Variants in CD8B2 observed in about 807,000 individuals in gnomAD.
CD8B2 encodes the protein CD8B family member 2.
A neutral mutation model predicts 23.7 loss-of-function variants in CD8B2; 11 were observed. That is an observed-to-expected ratio of 0.46 (90% CI 0.29 to 0.77). CD8B2 has a LOEUF of 0.77. Ranked by LOEUF, CD8B2 falls within the 30% of genes least tolerant of loss-of-function variation. CD8B2 has a pLI of 0.09. For missense variants in CD8B2, 197 were observed against 270.5 expected (o/e 0.73, Z 1.91); for synonymous variants, 90 against 109.3 (o/e 0.82, Z 1.10).
chr2:106,530,362 C>T (rs547661084), intron 5 of CD8B2, among the ~76,000 whole-genome samples: 2 of 152,120 alleles, frequency 1.3e-5, no homozygotes, highest in African/African-American at 2.4e-5. Context: ...TTGTGAGAAG[C>T]GTGTGAACCA....
intron 5 of CD8B2, among the ~76,000 whole-genome samples, chr2:106,530,155 G>A (rs1356849832): frequency 1.3e-5 from 2 of 152,182 alleles, no homozygotes; most frequent in African/African-American, 4.8e-5. Flanking sequence ...TGTATAAAGT[G>A]CACATTTCAG....
chr2:106,531,706 C>T (rs954485757), intron 5 of CD8B2, among the ~76,000 whole-genome samples: 26 of 152,208 alleles, frequency 1.7e-4, no homozygotes, highest in African/African-American at 6.3e-4. Flanking sequence ...TCAGTGCGAT[C>T]CTGAAGCCTC....
At chr2:106,532,727 C>T (rs1055301822) in intron 5 of CD8B2, among the ~76,000 whole-genome samples, 2 of 152,296 alleles carry the variant, frequency 1.3e-5, no homozygotes, top group African/African-American at 4.8e-5. Context: ...TCATGGCACT[C>T]GTGGTAGTGT....
intron 5 of CD8B2, among the ~76,000 whole-genome samples, chr2:106,524,020 G>A (rs532520493): frequency 6.6e-6 from 1 of 152,252 alleles, no homozygotes; most frequent in Admixed American, 6.5e-5. Flanking sequence ...AGTTCTCTTA[G>A]ACAATTGGGC....
intron 5 of CD8B2, among the ~76,000 whole-genome samples, 174 bp downstream of exon 5, chr2:106,504,499 T>A (rs1470910247): frequency 2.6e-5 from 4 of 151,926 alleles, no homozygotes; most frequent in Admixed American, 2.6e-4. Flanking sequence ...AGCAGGAGGA[T>A]CACTTGAGCC....
chr2:106,520,760 C>T (rs957519513), intron 5 of CD8B2, among the ~76,000 whole-genome samples: 1 of 152,104 alleles, frequency 6.6e-6, no homozygotes, highest in African/African-American at 2.4e-5. Flanking sequence ...ATCCCAGCTA[C>T]TCGGGAGGCT....
intron 5 of CD8B2, among the ~76,000 whole-genome samples, chr2:106,523,835 A>T (rs1279741548): frequency 6.6e-6 from 1 of 152,174 alleles, no homozygotes; most frequent in Non-Finnish European, 1.5e-5. Context: ...AGGAAGGTGT[A>T]AGAAGGCAAT....
At chr2:106,534,547 G>A (rs887071349) in intron 5 of CD8B2, among the ~76,000 whole-genome samples, 1 of 152,128 alleles carries the variant, frequency 6.6e-6, no homozygotes, top group African/African-American at 2.4e-5. Context: ...CTCAGGAGAG[G>A]GACTTGATCT....
chr2:106,504,985 T>A (rs1165590446), intron 5 of CD8B2, among the ~76,000 whole-genome samples: 3 of 152,176 alleles, frequency 2.0e-5, no homozygotes, highest in Non-Finnish European at 4.4e-5. Flanking sequence ...CAGAGTCACA[T>A]AGCACTCTTG....
At chr2:106,517,374 C>G (rs911532492) in intron 5 of CD8B2, among the ~76,000 whole-genome samples, 2 of 152,090 alleles carry the variant, frequency 1.3e-5, no homozygotes, top group African/African-American at 4.8e-5. Flanking sequence ...TTTGATTTCT[C>G]GCTTCTTTCT....
chr2:106,518,112 C>G (rs1337174012), intron 5 of CD8B2, among the ~76,000 whole-genome samples: 1 of 152,228 alleles, frequency 6.6e-6, no homozygotes, highest in Non-Finnish European at 1.5e-5. Context: ...CCTGCTATTT[C>G]ATACCCAGCC....
In CD8B2 at chr2:106,504,326, G is replaced by A. The variant is rs1406773602; in HGVS notation, c.620+1G>A. On this transcript the variant is annotated splice_donor_variant, in intron 5 of 5. Transcript: ENST00000643224. LOFTEE classifies it high-confidence loss of function. The stretch of plus-strand genomic sequence containing the variant: ...GAGCCCGGCTTCGTTTCATGAAACA[G>A]TAAGTGTATAACCTGGGTGTGGCCT... 23 of 1,555,346 alleles carry A rather than the reference G, an allele frequency of 1.5e-5. No individual in the cohort carries two copies. The highest frequency in any genetic ancestry group is 2.7e-5 in the African/African-American group (2 of 73,242).
rs2104577572 is a variant in CD8B2 at position 106,539,675 on chromosome 2, GTGTT to G, written c.621-4314_621-4311del. 1.3e-5 allele frequency among the ~76,000 whole-genome samples: 2 copies of G among 152,306 alleles called. 1 individual carries two copies. Among genetic ancestry groups the G allele is most frequent in the South Asian group, 4.1e-4 (2 of 4,822 alleles). ...TATCATATTTATCATTGTCTCTACA[GTGTT>G]TGGCTTCAATGCATCAAACTTCAAA... On this transcript the variant is annotated intron_variant, in intron 5 of 5. Transcript: ENST00000416057.
At chr2:106,521,405 C>T (rs1229820701) in intron 5 of CD8B2, among the ~76,000 whole-genome samples, 1 of 152,150 alleles carries the variant, frequency 6.6e-6, no homozygotes, top group Non-Finnish European at 1.5e-5. Flanking sequence ...TTCGAGCTTG[C>T]GTGTCTATGT....
intron 5 of CD8B2, among the ~76,000 whole-genome samples, chr2:106,528,186 T>G (rs1175261558): frequency 6.6e-6 from 1 of 152,228 alleles, no homozygotes; most frequent in African/African-American, 2.4e-5. Flanking sequence ...TGGAGAAATA[T>G]CTCCTCAGAT....
At chr2:106,536,968 T>A (rs1680099274) in intron 5 of CD8B2, among the ~76,000 whole-genome samples, 1 of 152,214 alleles carries the variant, frequency 6.6e-6, no homozygotes, top group African/African-American at 2.4e-5. Context: ...CTATAGCCAG[T>A]GCAGTACGTC....
At chr2:106,541,239 T>G (rs2104578355) in intron 5 of CD8B2, among the ~76,000 whole-genome samples, 1 of 152,306 alleles carries the variant, frequency 6.6e-6, no homozygotes, top group East Asian at 1.9e-4. Context: ...CCGTCATTCA[T>G]GCTCAAAATT....
chr2:106,496,798 G>A (rs1030454208), intron 3 of CD8B2, among the ~76,000 whole-genome samples: 4 of 151,674 alleles, frequency 2.6e-5, no homozygotes, highest in African/African-American at 9.7e-5. Flanking sequence ...ATGGGTATAA[G>A]GTTTCTTTTT....
At chr2:106,522,366 C>T (rs1346524326) in intron 5 of CD8B2, among the ~76,000 whole-genome samples, 1 of 152,150 alleles carries the variant, frequency 6.6e-6, no homozygotes, top group African/African-American at 2.4e-5. Flanking sequence ...ATTCCCCAAA[C>T]ATAGAGATGT....
Sources: allele counts gnomAD v4.1 joint callset (sites outside exome capture counted in the v4.1 genomes callset), GRCh38; gene constraint gnomAD v4.1.1; transcripts MANE v1.5; gene names NCBI Gene and HGNC (gene_info 2026-07-23, HGNC 2026-07-21).